CREB5: variants seen among roughly 807,000 people sequenced by gnomAD.
The protein encoded by CREB5 is cAMP responsive element binding protein 5.
Under a neutral mutation model 57.1 loss-of-function variants are expected in CREB5, and 19 were observed. The observed-to-expected ratio is 0.33, with a 90% CI of 0.23 to 0.49. The LOEUF (loss-of-function observed/expected upper bound fraction) is 0.49, where lower values mean the gene tolerates loss of function less well. CREB5 is among the 20% of genes least tolerant of loss of function. The pLI, the probability that CREB5 is intolerant of heterozygous loss-of-function variation, is 0.99. For synonymous variants in CREB5, 238 were observed against 238.3 expected (o/e 1.00, Z 0.01); for missense variants, 579 against 671.6 (o/e 0.86, Z 1.52).
intron 1 of CREB5, among the ~76,000 whole-genome samples, chr7:28,442,080 T>C (rs940372374): frequency 1.3e-5 from 2 of 152,128 alleles, no homozygotes; most frequent in African/African-American, 4.8e-5. Flanking sequence ...TCTCCCACTG[T>C]CCTCTCCTCA....
At chr7:28,341,203 C>T (rs1048705168) in intron 1 of CREB5, among the ~76,000 whole-genome samples, 1 of 152,130 alleles carries the variant, frequency 6.6e-6, no homozygotes, top group Non-Finnish European at 1.5e-5. Context: ...AGCCATCTTG[C>T]TCCACCTCCT....
intron 5 of CREB5, among the ~76,000 whole-genome samples, chr7:28,582,841 C>T (rs2128658008): frequency 6.6e-6 from 1 of 152,204 alleles, no homozygotes; most frequent in African/African-American, 2.4e-5. Context: ...CACAGGCTGA[C>T]ATATGACAAT....
chr7:28,536,534 G>A (rs1044137336), intron 4 of CREB5, among the ~76,000 whole-genome samples: 30 of 152,196 alleles, frequency 2.0e-4, no homozygotes, highest in Non-Finnish European at 5.9e-5. Context: ...GCAGCTTCAC[G>A]AGGCAGCACT....
intron 1 of CREB5, among the ~76,000 whole-genome samples, chr7:28,433,057 T>TA (rs1468350703): frequency 6.6e-6 from 1 of 152,254 alleles, no homozygotes. Context: ...ATAATGTACT[T>TA]AAGCCATTTT....
At chr7:28,560,861 T>TGCGCGTGCGTGCGTGCGCGC (rs1358670336) in intron 4 of CREB5, among the ~76,000 whole-genome samples, 1 of 45,864 alleles carries the variant, frequency 2.2e-5, no homozygotes, top group Non-Finnish European at 4.6e-5. Flanking sequence ...TGTGTGTGCG[T>TGCGCGTGCGTGCGTGCGCGC]GTGCCTGCGT....
At chr7:28,310,442 T>C (rs1382101073) in intron 1 of CREB5, among the ~76,000 whole-genome samples, 1 of 152,232 alleles carries the variant, frequency 6.6e-6, no homozygotes, top group East Asian at 1.9e-4. Context: ...GGCTGGACTA[T>C]TAAATAGTTG....
At chr7:28,582,829 AAC>A in intron 5 of CREB5, among the ~76,000 whole-genome samples, 1 of 152,354 alleles carries the variant, frequency 6.6e-6, no homozygotes, top group East Asian at 1.9e-4. Context: ...AAGAGGGCAG[AAC>A]ACAGGCTGAC....
intron 1 of CREB5, among the ~76,000 whole-genome samples, chr7:28,330,824 T>C (rs1325292852): frequency 6.6e-6 from 1 of 152,204 alleles, no homozygotes; most frequent in Non-Finnish European, 1.5e-5. Context: ...AAAGCCAAAA[T>C]GGCTGGAAAA....
chr7:28,560,186 T>C (rs747842224), intron 4 of CREB5, among the ~76,000 whole-genome samples: 2 of 152,204 alleles, frequency 1.3e-5, no homozygotes, highest in Non-Finnish European at 2.9e-5. Context: ...TCAACAGATT[T>C]ATTGCTTAGA....
At chr7:28,621,293 T>C (rs774013322) in intron 5 of CREB5, among the ~76,000 whole-genome samples, 3 of 152,002 alleles carry the variant, frequency 2.0e-5, no homozygotes, top group Admixed American at 6.6e-5. Flanking sequence ...CACTGGAAAA[T>C]GTTGAGAGCC....
At chr7:28,612,989 A>G (rs889184278) in intron 5 of CREB5, among the ~76,000 whole-genome samples, 1 of 152,170 alleles carries the variant, frequency 6.6e-6, no homozygotes, top group Non-Finnish European at 1.5e-5. Flanking sequence ...TGGGAAAAGA[A>G]GCCAAACTTC....
chr7:28,653,880 A>G (rs890756582), intron 5 of CREB5, among the ~76,000 whole-genome samples: 1 of 152,136 alleles, frequency 6.6e-6, no homozygotes, highest in Non-Finnish European at 1.5e-5. Flanking sequence ...AACTGATCCC[A>G]CCACACTACT....
intron 1 of CREB5, among the ~76,000 whole-genome samples, chr7:28,482,039 C>T (rs536183298): frequency 9.2e-5 from 14 of 152,334 alleles, no homozygotes; most frequent in Admixed American, 4.6e-4. Context: ...TTACTTTTCT[C>T]TTAATTTACA....
At chr7:28,355,833 G>C (rs1181592833) in intron 1 of CREB5, among the ~76,000 whole-genome samples, 5 of 152,142 alleles carry the variant, frequency 3.3e-5, no homozygotes, top group African/African-American at 1.2e-4. Flanking sequence ...CTCTGAGCTC[G>C]GGGCTGTCAC....
chr7:28,551,128 T>C (rs1794625853), intron 4 of CREB5, among the ~76,000 whole-genome samples: 1 of 151,728 alleles, frequency 6.6e-6, no homozygotes, highest in African/African-American at 2.4e-5. Flanking sequence ...CCGATTGGTA[T>C]ATGGCATCTC....
intron 4 of CREB5, among the ~76,000 whole-genome samples, chr7:28,515,936 T>C: frequency 6.6e-6 from 1 of 151,910 alleles, no homozygotes; most frequent in South Asian, 2.1e-4. Context: ...CCAGGTGTGG[T>C]GGCTTATACC....
At chr7:28,674,034 C>T (rs1009706439) in intron 5 of CREB5, among the ~76,000 whole-genome samples, 1 of 152,124 alleles carries the variant, frequency 6.6e-6, no homozygotes, top group Non-Finnish European at 1.5e-5. Flanking sequence ...AGTGTTTTAA[C>T]TCCCCCAAGA....
At chr7:28,436,314 T>C (rs892052222) in intron 1 of CREB5, among the ~76,000 whole-genome samples, 6 of 152,160 alleles carry the variant, frequency 3.9e-5, no homozygotes, top group African/African-American at 1.4e-4. Context: ...TTCTTAAACA[T>C]ATCTGAGAAC....
At chr7:28,460,435 A>T (rs1790304255) in intron 1 of CREB5, among the ~76,000 whole-genome samples, 1 of 152,222 alleles carries the variant, frequency 6.6e-6, no homozygotes, top group South Asian at 2.1e-4. Context: ...AAAGAGACGA[A>T]GCATAGACCC....
Sources: allele counts gnomAD v4.1 joint callset (sites outside exome capture counted in the v4.1 genomes callset), GRCh38; gene constraint gnomAD v4.1.1; transcripts MANE v1.5; gene names NCBI Gene and HGNC (gene_info 2026-07-23, HGNC 2026-07-21).